The following RNLS variants were observed in gnomAD, a reference collection of about 807,000 sequenced individuals.
RNLS encodes the protein renalase, FAD dependent amine oxidase.
In RNLS, 39 loss-of-function variants were observed where a neutral mutation model predicts 39.8. That is an observed-to-expected ratio of 0.98 (90% CI 0.76 to 1.28). The LOEUF is 1.28. RNLS is among the 50% of genes most tolerant of loss of function. The pLI is 0.00. For synonymous variants in RNLS, 147 were observed against 150.7 expected (o/e 0.98, Z 0.18); for missense variants, 410 against 413.3 (o/e 0.99, Z 0.07).
At chr10:88,421,879 CTCTCT>C (rs754743835) in intron 4 of RNLS, among the ~76,000 whole-genome samples, 1 of 152,262 alleles carries the variant, frequency 6.6e-6, no homozygotes, top group South Asian at 2.1e-4. Flanking sequence ...CCTCCTCCTC[CTCTCT>C]TAAGAAGCTC....
the RNLS span, among the ~76,000 whole-genome samples, chr10:88,204,666 C>T: frequency 2.6e-5 from 4 of 152,070 alleles, no homozygotes; most frequent in African/African-American, 7.2e-5. Flanking sequence ...ATCTTCTCCC[C>T]GTACATGAAA....
intron 4 of RNLS, among the ~76,000 whole-genome samples, chr10:88,500,376 A>G (rs1226519618): frequency 6.6e-6 from 1 of 152,132 alleles, no homozygotes; most frequent in Non-Finnish European, 1.5e-5. Context: ...TCTGCATTTG[A>G]AGCATCTGTA....
chr10:88,422,492 C>G (rs1854466793), intron 4 of RNLS, among the ~76,000 whole-genome samples: 1 of 152,084 alleles, frequency 6.6e-6, no homozygotes, highest in Admixed American at 6.5e-5. Flanking sequence ...ACAGGGTATG[C>G]TGCTTCCTTA....
chr10:88,451,469 G>A (rs1341774790), intron 4 of RNLS, among the ~76,000 whole-genome samples: 1 of 152,180 alleles, frequency 6.6e-6, no homozygotes, highest in Non-Finnish European at 1.5e-5. Context: ...AGATGGAAAT[G>A]TCAAAGAGAG....
chr10:88,356,818 C>T (rs1256435285), intron 5 of RNLS, among the ~76,000 whole-genome samples: 1 of 96,378 alleles, frequency 1.0e-5, no homozygotes, highest in Non-Finnish European at 2.5e-5. Flanking sequence ...CCTCAGATTG[C>T]TGACTATTGG....
the RNLS span, among the ~76,000 whole-genome samples, chr10:88,211,320 C>T: frequency 6.6e-6 from 1 of 152,180 alleles, no homozygotes; most frequent in Admixed American, 6.6e-5. Flanking sequence ...TACTGAATAT[C>T]TAACAAGTGC....
intron 4 of RNLS, among the ~76,000 whole-genome samples, chr10:88,505,513 A>T (rs563153380): frequency 6.6e-6 from 1 of 151,950 alleles, no homozygotes; most frequent in South Asian, 2.1e-4. Context: ...TAGGGGAGAG[A>T]GAAAAGGAAG....
At chr10:88,227,977 C>A in the RNLS span, among the ~76,000 whole-genome samples, 13 of 152,100 alleles carry the variant, frequency 8.5e-5, no homozygotes, top group Admixed American at 8.5e-4. Flanking sequence ...ACTAAAACTG[C>A]CGGGTATTCA....
At chr10:88,431,334 A>G (rs757228024) in intron 4 of RNLS, among the ~76,000 whole-genome samples, 16 of 151,598 alleles carry the variant, frequency 1.1e-4, no homozygotes, top group Non-Finnish European at 2.2e-4. Context: ...CATCTCTCTC[A>G]TTACTGATAT....
intron 4 of RNLS, among the ~76,000 whole-genome samples, chr10:88,413,550 T>C (rs915276374): frequency 2.0e-5 from 3 of 152,220 alleles, no homozygotes; most frequent in African/African-American, 2.4e-5. Flanking sequence ...TTTGTGTTTG[T>C]GGTCTTCCTC....
At chr10:88,442,470 G>A (rs1564802015) in intron 4 of RNLS, among the ~76,000 whole-genome samples, 1 of 152,066 alleles carries the variant, frequency 6.6e-6, no homozygotes, top group Non-Finnish European at 1.5e-5. Context: ...TTTGTTTCTT[G>A]TTAATCGAGA....
intron 4 of RNLS, among the ~76,000 whole-genome samples, chr10:88,462,281 G>A (rs1043784163): frequency 6.6e-6 from 1 of 152,004 alleles, no homozygotes; most frequent in Non-Finnish European, 1.5e-5. Flanking sequence ...TTTGATACAA[G>A]TATGCAATGT....
chr10:88,523,911 T>C (rs1461353023), intron 4 of RNLS, among the ~76,000 whole-genome samples: 1 of 152,130 alleles, frequency 6.6e-6, no homozygotes, highest in Non-Finnish European at 1.5e-5. Flanking sequence ...ATCTTCCTGG[T>C]ACATGGATTT....
the RNLS span, among the ~76,000 whole-genome samples, chr10:88,224,316 T>A: frequency 6.6e-6 from 1 of 152,226 alleles, no homozygotes; most frequent in South Asian, 2.1e-4. Flanking sequence ...CTTAACCACC[T>A]CCTAAAGCCT....
chr10:88,307,051 A>G (rs1844972096), intron 6 of RNLS, among the ~76,000 whole-genome samples: 1 of 152,260 alleles, frequency 6.6e-6, no homozygotes, highest in Admixed American at 6.5e-5. Flanking sequence ...CATCATGTGA[A>G]CAGAACTAAA....
intron 4 of RNLS, among the ~76,000 whole-genome samples, chr10:88,538,608 T>TTTCA (rs1287609042): frequency 2.0e-5 from 3 of 152,180 alleles, no homozygotes; most frequent in Admixed American, 6.6e-5. Flanking sequence ...CTTAGTAAGT[T>TTTCA]TTCAGCATGT....
At chr10:88,252,766 A>G in the RNLS span, among the ~76,000 whole-genome samples, 1 of 152,176 alleles carries the variant, frequency 6.6e-6, no homozygotes, top group South Asian at 2.1e-4. Context: ...CACAGCTCCT[A>G]TCACACTACC....
chr10:88,235,267 CAAAAAAAAAA>C, the RNLS span, among the ~76,000 whole-genome samples: 1 of 61,956 alleles, frequency 1.6e-5, no homozygotes, highest in African/African-American at 7.4e-5. Flanking sequence ...GACTCTATCT[CAAAAAAAAAA>C]AAAAAAAAAA....
chr10:88,229,810 T>C, the RNLS span, among the ~76,000 whole-genome samples: 1 of 152,212 alleles, frequency 6.6e-6, no homozygotes, highest in Non-Finnish European at 1.5e-5. Context: ...GCATACTCTT[T>C]TGAGCTTATC....
Sources: allele counts gnomAD v4.1 joint callset (sites outside exome capture counted in the v4.1 genomes callset), GRCh38; gene constraint gnomAD v4.1.1; transcripts MANE v1.5; gene names NCBI Gene and HGNC (gene_info 2026-07-23, HGNC 2026-07-21).